Variants in PARD3B observed in about 807,000 individuals in gnomAD.
The protein encoded by PARD3B is partitioning defective 3 homolog B.
A neutral mutation model predicts 130.2 loss-of-function variants in PARD3B; 103 were observed. The ratio of observed to expected loss-of-function variants is 0.79; its 90% CI spans 0.67 to 0.93. The LOEUF is 0.93. PARD3B is among the 40% of genes least tolerant of loss of function. The probability of loss-of-function intolerance (pLI) is 0.00; values close to 1 mark genes in which losing one functional copy is unlikely to be tolerated. For synonymous variants in PARD3B, 583 were observed against 553.2 expected (o/e 1.05, Z -0.76); for missense variants, 1,609 against 1,499.2 (o/e 1.07, Z -1.21).
chr2:205,584,004 T>C lies in PARD3B; in HGVS notation c.3260+30601T>C, dbSNP rs2054101665. Among the ~76,000 whole-genome samples the C allele has an allele frequency of 1.3e-5, 2 of 152,260 alleles. No homozygotes were observed. Among genetic ancestry groups the C allele is most frequent in the African/African-American group, 4.8e-5 (2 of 41,472 alleles). On this transcript the variant is annotated intron_variant, in intron 22 of 22. Transcript: ENST00000406610. The surrounding 1 kb of genome is among the most constrained non-coding windows in gnomAD (Gnocchi z 5.5). Reference sequence around the variant, plus strand: ...AGAGCCATGTTACCCATGATAACTCTAAGACACTACAGGGCATTTTCAAAT... The same window carrying C: ...AGAGCCATGTTACCCATGATAACTCCAAGACACTACAGGGCATTTTCAAAT...
intron 1 of PARD3B, among the ~76,000 whole-genome samples, chr2:204,643,415 A>G (rs1203610771): frequency 1.3e-5 from 2 of 152,026 alleles, no homozygotes; most frequent in Non-Finnish European, 2.9e-5. Context: ...TATTTTTTGA[A>G]TATCTTCATA....
At chr2:205,399,280 AAAAC>A (rs1263361971) in intron 18 of PARD3B, among the ~76,000 whole-genome samples, 2 of 152,174 alleles carry the variant, frequency 1.3e-5, no homozygotes, top group East Asian at 3.9e-4. Context: ...CAAAAGAACA[AAAAC>A]AAAAAATCTA....
intron 16 of PARD3B, among the ~76,000 whole-genome samples, chr2:205,283,060 G>T (rs1035218342): frequency 3.3e-5 from 5 of 152,150 alleles, no homozygotes; most frequent in African/African-American, 7.2e-5. Context: ...TGGGGTTTTG[G>T]GGAACCCAGA....
At position 205,218,127 on chromosome 2, in the gene PARD3B, A is replaced by G. The variant is rs577127218; in HGVS notation, c.2140+24807A>G. On this transcript the variant is annotated intron_variant, in intron 15 of 22. Transcript: ENST00000406610. ...AGGCTGGTCTCGAACTCCTGACCCC[A>G]TGATCCACCCACCTTGGCTTCTCAA... 1.9e-4 allele frequency among the ~76,000 whole-genome samples: 29 copies of G among 151,910 alleles called. No homozygotes were observed. The South Asian group carries it at 5.2e-3, about 27-fold the overall frequency.
intron 1 of PARD3B, among the ~76,000 whole-genome samples, chr2:204,649,177 G>A (rs1048694130): frequency 6.7e-6 from 1 of 149,638 alleles, no homozygotes; most frequent in Non-Finnish European, 1.5e-5. Flanking sequence ...GGGCATTCTG[G>A]TTGGTCCACA....
At position 205,172,290 on chromosome 2, in the gene PARD3B, T is replaced by C; in HGVS notation, c.1700T>C (p.Met567Thr). The change falls in exon 12 of 23, where the codon ATG becomes ACG. Residue 567 changes from methionine (M) to threonine (T), a missense_variant. Physicochemically the swap from Met to Thr is moderately conservative, Grantham distance 81 (BLOSUM62 -1). Coordinates refer to ENST00000406610, the MANE Select transcript of PARD3B (RefSeq NM_001302769.2). ...TTGGGAAAGTCCAACCACGAAGCTA[T>C]GGAAACACTTAGGCGGTCAATGTCC... ...SLLGKSNHEA[M>T]ETLRRSMSME... is the part of the protein sequence containing the mutation. 1 of 1,614,106 alleles carries C rather than the reference T, an allele frequency of 6.2e-7. No individual in the cohort carries two copies. Among genetic ancestry groups the C allele is most frequent in the Non-Finnish European group, 8.5e-7 (1 of 1,179,994 alleles).
At chr2:205,228,402 C>T (rs1164017989) in intron 15 of PARD3B, among the ~76,000 whole-genome samples, 1 of 151,984 alleles carries the variant, frequency 6.6e-6, no homozygotes. Flanking sequence ...TTCTTTTTTT[C>T]CTTCAGCAGT....
Position 205,598,958 on chromosome 2 carries a change from G to C in PARD3B, c.3261-16498G>C, listed in dbSNP as rs575088213. On this transcript the variant is annotated intron_variant, in intron 22 of 22. Coordinates refer to ENST00000406610, the MANE Select transcript of PARD3B (RefSeq NM_001302769.2). ...AAGATACCAGAATCTTTGAGATAAA[G>C]CTAAAGCAGTGTTAAGAGGAAAGTT... Among the ~76,000 whole-genome samples the C allele has an allele frequency of 3.9e-5, 6 of 152,268 alleles. No individual in the cohort carries two copies. In the South Asian group the frequency reaches 1.0e-3, roughly 26 times the overall value.
intron 21 of PARD3B, among the ~76,000 whole-genome samples, chr2:205,535,869 G>A (rs1184799637): frequency 6.6e-6 from 1 of 152,104 alleles, no homozygotes; most frequent in Admixed American, 6.5e-5. Flanking sequence ...ATTTTTCTTA[G>A]GGGCTTTACT....
chr2:204,953,774 C>T (rs142719366), intron 2 of PARD3B, among the ~76,000 whole-genome samples: 30 of 152,212 alleles, frequency 2.0e-4, no homozygotes, highest in African/African-American at 7.0e-4. Flanking sequence ...ACTTGTGTTC[C>T]GTTATTTGCC....
chr2:205,231,989 C>T (rs1334740407), intron 15 of PARD3B, among the ~76,000 whole-genome samples: 1 of 152,196 alleles, frequency 6.6e-6, no homozygotes, highest in African/African-American at 2.4e-5. Context: ...GAAAATATCT[C>T]ATAATCCGTA....
intron 4 of PARD3B, among the ~76,000 whole-genome samples, chr2:205,051,820 T>A (rs1699210983): frequency 6.6e-6 from 1 of 152,206 alleles, no homozygotes; most frequent in Non-Finnish European, 1.5e-5. Context: ...AAATCTGGTA[T>A]TTGTTATTTA....
At chr2:205,089,957 C>T (rs1261426250) in intron 4 of PARD3B, among the ~76,000 whole-genome samples, 1 of 152,186 alleles carries the variant, frequency 6.6e-6, no homozygotes, top group Non-Finnish European at 1.5e-5. Flanking sequence ...CTGTTAAATG[C>T]AGTGATTTTA....
At chr2:205,040,077 C>T (rs1196639089) in intron 3 of PARD3B, among the ~76,000 whole-genome samples, 2 of 152,162 alleles carry the variant, frequency 1.3e-5, no homozygotes, top group Non-Finnish European at 2.9e-5. Context: ...GATCCTTCTG[C>T]CTCAGCCTCC....
At chr2:204,745,184 A>C (rs2040164351) in intron 2 of PARD3B, among the ~76,000 whole-genome samples, 1 of 152,224 alleles carries the variant, frequency 6.6e-6, no homozygotes, top group South Asian at 2.1e-4. Context: ...TGTTCTGGTG[A>C]TGCCAGGGTC....
At chr2:205,354,861 A>G (rs2044134948) in intron 18 of PARD3B, among the ~76,000 whole-genome samples, 1 of 152,188 alleles carries the variant, frequency 6.6e-6, no homozygotes, top group East Asian at 1.9e-4. Flanking sequence ...ATAGGATGTT[A>G]ATCTCCTGGG....
chr2:204,987,367 A>G (rs1175160374), intron 3 of PARD3B, among the ~76,000 whole-genome samples: 4 of 152,244 alleles, frequency 2.6e-5, no homozygotes, highest in Non-Finnish European at 5.9e-5. Flanking sequence ...GCCAGAATAG[A>G]ATGCTTGTTG....
chr2:205,408,208 C>A (rs192779175), intron 19 of PARD3B, among the ~76,000 whole-genome samples: 2 of 152,246 alleles, frequency 1.3e-5, no homozygotes, highest in East Asian at 3.9e-4. Context: ...TGGCCTGTTC[C>A]CTTTAGTTTA....
rs189605739 is a variant in PARD3B at position 205,539,911 on chromosome 2, A to C, written c.3181-13413A>C. Among the ~76,000 whole-genome samples the C allele has an allele frequency of 3.3e-3, 500 of 152,310 alleles. 9 individuals carry two copies. The highest frequency in any genetic ancestry group is 0.011 in the African/African-American group (471 of 41,574). On this transcript the variant is annotated intron_variant, in intron 21 of 22. Transcript: ENST00000406610. ...CCAAAGAAGTATGAGGCTTTGATGTAGCCTTTCACTAGTTCGAAAGTAACT... is the reference window on the plus strand; with the variant it reads ...CCAAAGAAGTATGAGGCTTTGATGTCGCCTTTCACTAGTTCGAAAGTAACT...
Sources: gnomAD v4.1 joint callset for allele counts (sites outside exome capture counted in the v4.1 genomes callset) on GRCh38, gnomAD v4.1.1 for gene constraint, Gnocchi (gnomAD v3.1) non-coding constraint, MANE v1.5 for transcripts, NCBI Gene and HGNC (gene_info 2026-07-23, HGNC 2026-07-21) for gene names.